The following RBFOX1 variants were observed in gnomAD, a reference collection of about 807,000 sequenced individuals.
RBFOX1 encodes the protein RNA binding protein fox-1 homolog 1.
RBFOX1 carries 8 observed loss-of-function variants against 57.7 expected under a neutral mutation model. The observed-to-expected ratio is 0.14, with a 90% CI of 0.08 to 0.25. RBFOX1 has a LOEUF of 0.25. RBFOX1 is among the 10% of genes least tolerant of loss of function. RBFOX1 has a pLI of 1.00. For missense variants in RBFOX1, 611 were observed against 548.5 expected (o/e 1.11, Z -1.14); for synonymous variants, 326 against 222.4 (o/e 1.47, Z -4.15).
At chr16:6,128,758 G>A (rs1255929868) in intron 1 of RBFOX1, among the ~76,000 whole-genome samples, 1 of 152,232 alleles carries the variant, frequency 6.6e-6, no homozygotes, top group East Asian at 1.9e-4. Flanking sequence ...ATCAGTTGAT[G>A]CAGTGCTCTG....
At chr16:5,699,051 G>C (rs1025640987) in intron 3 of RBFOX1, among the ~76,000 whole-genome samples, 6 of 143,904 alleles carry the variant, frequency 4.2e-5, no homozygotes, top group Non-Finnish European at 7.4e-5. Context: ...GCGATGGCAT[G>C]ATCTCGGCTC....
At chr16:6,360,359 A>G (rs2088217578) in intron 2 of RBFOX1, among the ~76,000 whole-genome samples, 1 of 152,144 alleles carries the variant, frequency 6.6e-6, no homozygotes, top group Admixed American at 6.5e-5. Context: ...ATACTATTAT[A>G]CTTGCACTGC....
intron 2 of RBFOX1, among the ~76,000 whole-genome samples, chr16:5,596,302 A>G (rs961155709): frequency 6.6e-6 from 1 of 152,122 alleles, no homozygotes; most frequent in Non-Finnish European, 1.5e-5. Context: ...TTTTCTTCCA[A>G]TCAGCTTCCC....
chr16:6,203,138 T>G (rs1452302357), intron 1 of RBFOX1, among the ~76,000 whole-genome samples: 1 of 152,024 alleles, frequency 6.6e-6, no homozygotes, highest in African/African-American at 2.4e-5. Context: ...TCATAGCAAA[T>G]TTTTAAGTCT....
rs541970802 is a variant in RBFOX1 at position 5,607,803 on chromosome 16, T to C, written c.318+8842T>C. ...TGGACCCCTGCAGTCCATATGTATC[T>C]GCCTTCTTTCCCTCAAAAGCATCCC... is the stretch of plus-strand genomic sequence containing the variant. On this transcript the variant is annotated intron_variant, in intron 3 of 19. Coordinates refer to the RBFOX1 transcript ENST00000641259. 3.9e-5 allele frequency among the ~76,000 whole-genome samples: 6 copies of C among 152,322 alleles called. No individual in the cohort carries two copies. In the East Asian group the frequency reaches 1.2e-3, roughly 29 times the overall value.
chr16:6,820,423 G>A (rs573664709), intron 3 of RBFOX1, among the ~76,000 whole-genome samples: 14 of 152,256 alleles, frequency 9.2e-5, no homozygotes, highest in Non-Finnish European at 1.6e-4. Flanking sequence ...TTGGGAGGCT[G>A]GGGAGGAAAA....
At position 5,713,816 on chromosome 16, in the gene RBFOX1, G is replaced by T. The variant is rs150611975; in HGVS notation, c.318+114855G>T. Among the ~76,000 whole-genome samples the T allele has an allele frequency of 7.8e-3, 1,195 of 152,240 alleles. 24 individuals carry two copies. Among genetic ancestry groups the T allele is most frequent in the African/African-American group, 0.028 (1,149 of 41,526 alleles). ...AGTCGATAAGAGCTAGAACTCTGAG[G>T]GCTTGACCATGTAGACAGTGAAGTA... On this transcript the variant is annotated intron_variant, in intron 3 of 19. Transcript: ENST00000641259.
chr16:5,931,480 G>C (rs866929443), intron 4 of RBFOX1, among the ~76,000 whole-genome samples: 1 of 152,252 alleles, frequency 6.6e-6, no homozygotes, highest in African/African-American at 2.4e-5. Context: ...GAAGGAGAGT[G>C]GTTTCCAGGC....
chr16:6,382,143 T>G (rs2091874830), intron 2 of RBFOX1, among the ~76,000 whole-genome samples: 1 of 152,214 alleles, frequency 6.6e-6, no homozygotes, highest in African/African-American at 2.4e-5. Context: ...GAATTTCCCA[T>G]CATTTTCATG....
chr16:7,070,737 T>A (rs1297972246), intron 4 of RBFOX1, among the ~76,000 whole-genome samples: 2 of 152,228 alleles, frequency 1.3e-5, no homozygotes, highest in Non-Finnish European at 2.9e-5. Context: ...CTGCCCTGAA[T>A]GTTTCCCAAA....
chr16:6,769,453 G>C (rs1267410874), intron 3 of RBFOX1, among the ~76,000 whole-genome samples: 3 of 152,196 alleles, frequency 2.0e-5, no homozygotes, highest in African/African-American at 7.2e-5. Flanking sequence ...CATCTCCACT[G>C]CAACATTCTT....
chr16:6,926,716 C>T (rs56177167), intron 3 of RBFOX1, among the ~76,000 whole-genome samples: 2 of 151,978 alleles, frequency 1.3e-5, no homozygotes, highest in Admixed American at 6.6e-5. Context: ...CCCGTTAATT[C>T]GTTCAAGAAC....
intron 4 of RBFOX1, among the ~76,000 whole-genome samples, chr16:7,341,620 A>G (rs1441467860): frequency 6.6e-6 from 1 of 152,154 alleles, no homozygotes; most frequent in Non-Finnish European, 1.5e-5. Flanking sequence ...GCACAGTCCA[A>G]AGAAGATGGC....
At chr16:6,617,561 G>C (rs574923600) in intron 2 of RBFOX1, among the ~76,000 whole-genome samples, 1 of 152,116 alleles carries the variant, frequency 6.6e-6, no homozygotes, top group African/African-American at 2.4e-5. Context: ...TTATAGACAG[G>C]GCTGGAGGAC....
At chr16:5,693,816 C>G (rs2050767869) in intron 3 of RBFOX1, among the ~76,000 whole-genome samples, 2 of 152,200 alleles carry the variant, frequency 1.3e-5, no homozygotes, top group Non-Finnish European at 2.9e-5. Flanking sequence ...TCTCACTCCT[C>G]AAACTCAGCT....
intron 1 of RBFOX1, among the ~76,000 whole-genome samples, chr16:6,215,792 T>C (rs1437013745): frequency 6.6e-6 from 1 of 152,148 alleles, no homozygotes; most frequent in Non-Finnish European, 1.5e-5. Context: ...CAGCCTGTTT[T>C]CTTACATGGA....
At chr16:7,488,007 G>C (rs910384871) in intron 4 of RBFOX1, among the ~76,000 whole-genome samples, 6 of 152,114 alleles carry the variant, frequency 3.9e-5, no homozygotes, top group Admixed American at 2.6e-4. Flanking sequence ...GATTACAAGA[G>C]GCCGGCCTTG....
intron 3 of RBFOX1, among the ~76,000 whole-genome samples, chr16:6,979,530 C>G (rs1031208236): frequency 6.6e-6 from 1 of 152,142 alleles, no homozygotes; most frequent in Non-Finnish European, 1.5e-5. Flanking sequence ...AAATGAATAT[C>G]TTCAATTGGA....
At chr16:7,214,132 G>A (rs2091631364) in intron 4 of RBFOX1, among the ~76,000 whole-genome samples, 1 of 151,736 alleles carries the variant, frequency 6.6e-6, no homozygotes, top group African/African-American at 2.4e-5. Context: ...CTTGTTCTCT[G>A]ACCATTTATC....
Sources: gnomAD v4.1 joint callset for allele counts (sites outside exome capture counted in the v4.1 genomes callset) on GRCh38, gnomAD v4.1.1 for gene constraint, MANE v1.5 for transcripts, NCBI Gene and HGNC (gene_info 2026-07-23, HGNC 2026-07-21) for gene names.